KRT81: variants seen among roughly 807,000 people sequenced by gnomAD.
The protein encoded by KRT81 is keratin 81.
KRT81 carries 35 observed loss-of-function variants against 35.8 expected under a neutral mutation model. That is an observed-to-expected ratio of 0.98 (90% CI 0.75 to 1.30). The LOEUF is 1.30. Ranked by LOEUF, KRT81 falls within the 50% of genes most tolerant of loss-of-function variation. The pLI is 0.00. For synonymous variants in KRT81, 249 were observed against 251.2 expected (o/e 0.99, Z 0.08); for missense variants, 531 against 577.4 (o/e 0.92, Z 0.82).
Position 52,288,421 on chromosome 12 carries a change from C to G in KRT81, c.675G>C (p.Leu225=), listed in dbSNP as rs754203840. Residue 225 remains leucine (L), a synonymous_variant, in exon 4 of 9, where the codon CTG becomes CTC. Transcript: ENST00000327741. The stretch of plus-strand genomic sequence containing the variant: ...GGATCAGGGCCTCCACGTTGGCCTC[C>G]AGGTCTGACTTGCGGAGGTAGGCGC... ...VDCAYLRKSD[L]EANVEALIQE... is the part of the protein sequence containing the mutation. The G allele has an allele frequency of 1.9e-6, 3 of 1,614,204 alleles. No homozygotes were observed. The highest frequency in any genetic ancestry group is 2.5e-6 in the Non-Finnish European group (3 of 1,180,026).
intron 3 of KRT81, 144 bp from the exon 4 acceptor site, chr12:52,288,600 C>T (rs1192158544): frequency 3.0e-6 from 3 of 1,010,946 alleles, no homozygotes; most frequent in Non-Finnish European, 4.7e-6. Flanking sequence ...TCTGCCCTTC[C>T]TGGGATGAGC....
Position 52,286,240 on chromosome 12 carries a change from C to T in KRT81, c.*15G>A. The T allele has an allele frequency of 1.9e-6, 3 of 1,551,452 alleles. No homozygotes were observed. Among genetic ancestry groups the T allele is most frequent in the Middle Eastern group, 1.9e-4 (1 of 5,386 alleles). ...CAGGAAAGATGCCTGGGGCCTGGGA[C>T]TTGAGTTGGGGTGCCTAACATTTCC... On this transcript the variant is annotated 3_prime_UTR_variant, in exon 9 of 9. Transcript: ENST00000327741.
Position 52,288,110 on chromosome 12 carries a change from G to A in KRT81, c.774C>T (p.Ser258=), listed in dbSNP as rs1322586760. The part of the protein sequence containing the change: ...LILQSHISDT[S]VVVKLDNSRD... ...GGCTGTTGTCCAGCTTGACAACCACGGAGGTGTCTGAGATGTGCGACTGGA... is the reference window on the plus strand; with the variant it reads ...GGCTGTTGTCCAGCTTGACAACCACAGAGGTGTCTGAGATGTGCGACTGGA... Residue 258 remains serine, a synonymous_variant, in exon 5 of 9, where the codon TCC becomes TCT. Transcript: ENST00000327741. The A allele has an allele frequency of 8.7e-6, 14 of 1,614,010 alleles. No individual in the cohort carries two copies. The highest frequency in any genetic ancestry group is 2.2e-5 in the South Asian group (2 of 91,082).
chr12:52,286,365 G>A lies in KRT81; in HGVS notation c.1408C>T (p.Pro470Ser), dbSNP rs1464883859. The A allele has an allele frequency of 6.4e-7, 1 of 1,555,276 alleles. No homozygotes were observed. ...CAGGTGGTGTTCAATTGGCCGCAGG[G>A]CGCACACAGGCCGGTGCTCACCGCC... ...NVAVSTGLCA[P>S]CGQLNTTCGG... is the part of the protein sequence containing the mutation. Residue 470 changes from proline to serine, a missense_variant, in exon 9 of 9, where the codon CCC becomes TCC. Around this residue, in one of 5 missense-constraint regions of KRT81, gnomAD observed 150 missense variants for 145.4 expected, o/e 1.03. Coordinates refer to ENST00000327741, the MANE Select transcript of KRT81 (RefSeq NM_002281.4).
chr12:52,288,593 G>A lies in KRT81; in HGVS notation c.640-137C>T. 3 of 1,082,308 alleles carry A rather than the reference G, an allele frequency of 2.8e-6. No homozygotes were observed. The South Asian group carries it at 3.8e-5, about 14-fold the overall frequency. 67.0% of individuals were successfully genotyped at this position (1,082,308 alleles called of 1,614,324 possible). On this transcript the variant is annotated intron_variant, in intron 3 of 8. Coordinates refer to ENST00000327741, the MANE Select transcript of KRT81 (RefSeq NM_002281.4). ...ATTCCCATGCCTTTCCTCCCCTTCT[G>A]CCCTTCCTGGGATGAGCTGGCATCC...
rs960541702 is a variant in KRT81, at chr12:52,287,644, G to A, written c.978C>T (p.Asn326=). 10 of 1,613,812 alleles carry A rather than the reference G, an allele frequency of 6.2e-6. No individual in the cohort carries two copies. The African/African-American group carries it at 1.3e-4, about 22-fold the overall frequency. ...CGGCCGTCAGCCTTTGGATCATGCGGTTCAGCTCATTGATCTCCTCCTTGG... is the reference window on the plus strand; with the variant it reads ...CGGCCGTCAGCCTTTGGATCATGCGATTCAGCTCATTGATCTCCTCCTTGG... ...RRTKEEINEL[N]RMIQRLTAEV... Residue 326 remains asparagine (N), a synonymous_variant, in exon 6 of 9, where the codon AAC becomes AAT. Transcript: ENST00000327741.
In KRT81 at chr12:52,291,428, C is replaced by A. The variant is rs749936395; in HGVS notation, c.38G>T (p.Ser13Ile). The A allele has an allele frequency of 4.3e-6, 7 of 1,612,392 alleles. 1 individual carries two copies. The highest frequency in any genetic ancestry group is 1.7e-4 in the Middle Eastern group (1 of 6,052). ...CCGCGGCCCGCAGGCCGAGATGCAG[C>A]TGAAGGCGCGCCCACCAAATCCTGA... Reference protein sequence around the residue: ...CGSGFGGRAFSCISACGPRPG... With the variant: ...CGSGFGGRAFICISACGPRPG... The change falls in exon 1 of 9, where the codon AGC becomes ATC. Residue 13 changes from serine (S) to isoleucine (I), a missense_variant. Around this residue, in one of 5 missense-constraint regions of KRT81, gnomAD observed 133 missense variants for 125.9 expected, o/e 1.06. Transcript: ENST00000327741.
Position 52,286,396 on chromosome 12 carries a change from C to T in KRT81, c.1377G>A (p.Gly459=), listed in dbSNP as rs1328898748. The T allele has an allele frequency of 6.4e-6, 10 of 1,555,170 alleles. No homozygotes were observed. The highest frequency in any genetic ancestry group is 1.2e-5 in the South Asian group (1 of 84,264). The change falls in exon 9 of 9, where the codon GGG becomes GGA. Residue 459 remains glycine, a synonymous_variant. Transcript: ENST00000327741. ...TGSVCSAPCN[G]NVAVSTGLCA... ...ACAGGCCGGTGCTCACCGCCACGTT[C>T]CCGTTGCACGGAGCGCTGCAGACAC...
Position 52,291,495 on chromosome 12 carries a change from AC to A in KRT81, c.-31del, listed in dbSNP as rs778690347. 8 of 1,611,392 alleles carry A rather than the reference AC, an allele frequency of 5.0e-6. No homozygotes were observed. In the East Asian group the frequency reaches 1.8e-4, roughly 36 times the overall value. On this transcript the variant is annotated 5_prime_UTR_variant, in exon 1 of 9. Transcript: ENST00000327741. Reference sequence around the variant, plus strand: ...CTCCTGGACGTTTGGGTTGCAGAGGACAGGATAGGGGACCTGGAGTCCTGAT... The same window carrying A: ...CTCCTGGACGTTTGGGTTGCAGAGGAAGGATAGGGGACCTGGAGTCCTGAT...
In KRT81 at chr12:52,287,101, C is replaced by G; in HGVS notation, c.1247+1G>C. The G allele has an allele frequency of 6.2e-7, 1 of 1,612,880 alleles. No homozygotes were observed. Among genetic ancestry groups the G allele is most frequent in the Non-Finnish European group, 8.5e-7 (1 of 1,179,902 alleles). On this transcript the variant is annotated splice_donor_variant, in intron 7 of 8. Transcript: ENST00000327741. LOFTEE classifies it high-confidence loss of function. ...TCTGGGCCACCCTTGGTTGGACCCA[C>G]CTCTGCTCCTCGCCCTCCAGCAGGC...
chr12:52,287,002 T>C, intron 7 of KRT81, 100 bp downstream of exon 7: 2 of 1,601,602 alleles, frequency 1.2e-6, no homozygotes, highest in Non-Finnish European at 1.7e-6. Context: ...AATAATATTT[T>C]TTTCCCCCAG....
Position 52,288,487 on chromosome 12 carries a change from G to T in KRT81, c.640-31C>A, listed in dbSNP as rs189013715. Reference sequence around the variant, plus strand: ...AAGGTGGGGAGTGTTGGAGCTCAAGGACCCTGGTGATCCAGCCCCCAGACT... The same window carrying T: ...AAGGTGGGGAGTGTTGGAGCTCAAGTACCCTGGTGATCCAGCCCCCAGACT... On this transcript the variant is annotated intron_variant, in intron 3 of 8. Transcript: ENST00000327741. The T allele has an allele frequency of 6.2e-6, 10 of 1,613,258 alleles. No homozygotes were observed. In the African/African-American group the frequency reaches 1.2e-4, roughly 19 times the overall value.
At position 52,287,145 on chromosome 12, in the gene KRT81, C is replaced by T. The variant is rs56821304; in HGVS notation, c.1204G>A (p.Glu402Lys). ...AGCAGGCGCCTGTAGGTGGCGATCT[C>T]GATGTCCAGGCCCAGCTTGGAGTTC... Reference protein sequence around the residue: ...VMNSKLGLDIEIATYRRLLEG... With the variant: ...VMNSKLGLDIKIATYRRLLEG... Residue 402 changes from glutamate (E) to lysine (K), a missense_variant, in exon 7 of 9, where the codon GAG becomes AAG. Physicochemically the swap from Glu to Lys is moderately conservative, Grantham distance 56. Around this residue, in one of 5 missense-constraint regions of KRT81, gnomAD observed 49 missense variants for 87.8 expected, o/e 0.56. Coordinates refer to ENST00000327741, the MANE Select transcript of KRT81 (RefSeq NM_002281.4). 1.9e-6 allele frequency: 3 copies of T among 1,613,490 alleles called. No homozygotes were observed. The highest frequency in any genetic ancestry group is 2.5e-6 in the Non-Finnish European group (3 of 1,180,016).
Position 52,286,462 on chromosome 12 carries a change from G to A in KRT81, c.1311C>T (p.Cys437=), listed in dbSNP as rs948357847. 2.7e-5 allele frequency: 42 copies of A among 1,552,552 alleles called. No individual in the cohort carries two copies. The highest frequency in any genetic ancestry group is 1.1e-4 in the South Asian group (9 of 84,160). ...CVSSSRGGVV[C]GDLCVSGSRP... ...GGGAGCCTGACACGCAGAGGTCCCC[G>A]CACACGACCCCGCCCCGGGAGCTGC... Residue 437 remains cysteine (C), a synonymous_variant, in exon 9 of 9, where the codon TGC becomes TGT. Transcript: ENST00000327741.
At position 52,291,524 on chromosome 12, in the gene KRT81, A is replaced by C. The variant is rs1938125323; in HGVS notation, c.-59T>G. On this transcript the variant is annotated 5_prime_UTR_variant, in exon 1 of 9. Coordinates refer to ENST00000327741, the MANE Select transcript of KRT81 (RefSeq NM_002281.4). ...GATAGGGGACCTGGAGTCCTGATGGAAACTCCAATGTGCTCCTCAGGGCAC... is the reference window on the plus strand; with the variant it reads ...GATAGGGGACCTGGAGTCCTGATGGCAACTCCAATGTGCTCCTCAGGGCAC... The C allele has an allele frequency of 1.2e-6, 2 of 1,602,520 alleles. No homozygotes were observed. The highest frequency in any genetic ancestry group is 1.7e-6 in the Non-Finnish European group (2 of 1,173,520).
intron 3 of KRT81, 84 bp from the exon 4 acceptor site, chr12:52,288,540 G>T (rs1467300569): frequency 6.5e-7 from 1 of 1,530,540 alleles, no homozygotes; most frequent in Non-Finnish European, 9.1e-7. Context: ...ATTCCATGTA[G>T]CCAGGGGAAA....
chr12:52,286,593 C>A, intron 8 of KRT81, 100 bp from the exon 9 acceptor site: 1 of 1,337,100 alleles, frequency 7.5e-7, no homozygotes, highest in South Asian at 1.3e-5. Flanking sequence ...TATGAAAAGT[C>A]AGAAGCATCT....
Position 52,286,297 on chromosome 12 carries a change from G to T in KRT81, c.1476C>A (p.Ser492=). The change falls in exon 9 of 9, where the codon TCC becomes TCA. Residue 492 remains serine (S), a synonymous_variant. Coordinates refer to ENST00000327741, the MANE Select transcript of KRT81 (RefSeq NM_002281.4). ...TGCTGCCGCAAGACCCCACACCCAG[G>T]GAGCTGATACCACAGGAGCCCACGC... ...SCGVGSCGIS[S]LGVGSCGSSC... is the part of the protein sequence containing the mutation. 1.9e-6 allele frequency: 3 copies of T among 1,554,596 alleles called. No homozygotes were observed. Among genetic ancestry groups the T allele is most frequent in the Non-Finnish European group, 2.6e-6 (3 of 1,148,608 alleles).
rs1387155769 is a variant in KRT81 at position 52,289,278 on chromosome 12, G to A, written c.579-3C>T. 4 of 231,088 alleles carry A rather than the reference G, an allele frequency of 1.7e-5. No homozygotes were observed. The highest frequency in any genetic ancestry group is 7.7e-5 in the Admixed American group (1 of 12,938). 14.3% of individuals were successfully genotyped at this position (231,088 alleles called of 1,614,324 possible). On this transcript the variant is annotated splice_polypyrimidine_tract_variant and splice_region_variant and intron_variant, in intron 2 of 8. Coordinates refer to ENST00000327741, the MANE Select transcript of KRT81 (RefSeq NM_002281.4). ...TCAGAGAAACCTCCTCCTCATACCT[G>A]AGACAGAGCAGAGGGAAGAGAGGGG...
Sources: allele counts gnomAD v4.1 joint callset, GRCh38; gene constraint gnomAD v4.1.1; regional missense constraint gnomAD v4.1.1; transcripts MANE v1.5; gene names NCBI Gene and HGNC (gene_info 2026-07-23, HGNC 2026-07-21).